ADAM8: variants seen among roughly 807,000 people sequenced by gnomAD.
The protein encoded by ADAM8 is disintegrin and metalloproteinase domain-containing protein 8.
A neutral mutation model predicts 102.4 loss-of-function variants in ADAM8; 104 were observed. The observed-to-expected ratio is 1.02, with a 90% CI of 0.87 to 1.20. The LOEUF is 1.20. Among genes scored for constraint, ADAM8 ranks in the 50% most tolerant of loss-of-function variants. The probability of loss-of-function intolerance (pLI) is 0.00; values close to 1 mark genes in which losing one functional copy is unlikely to be tolerated. For synonymous variants in ADAM8, 517 were observed against 485.2 expected (o/e 1.07, Z -0.86); for missense variants, 1,132 against 1,159.0 (o/e 0.98, Z 0.34).
chr10:133,264,164 C>A (rs1011172916), intron 21 of ADAM8, among the ~76,000 whole-genome samples: 4 of 150,354 alleles, frequency 2.7e-5, no homozygotes, highest in Non-Finnish European at 5.9e-5. Context: ...TGGGTTCAAG[C>A]GATCCTCCCG....
At position 133,273,284 on chromosome 10, in the gene ADAM8, C is replaced by G. The variant is rs780765970; in HGVS notation, c.543G>C (p.Arg181=). Residue 181 remains arginine, a synonymous_variant, in exon 6 of 23, where the codon CGG becomes CGC. Transcript: ENST00000445355. The part of the protein sequence containing the change: ...DDSLGSLLGP[R]TAAVFRPRPG... ...GCCGAGGCCTGAAGACGGCTGCCGT[C>G]CGGGGTCCCAGGAGGCTGCCCAGGC... 1 of 1,599,500 alleles carries G rather than the reference C, an allele frequency of 6.3e-7. No homozygotes were observed. Among genetic ancestry groups the G allele is most frequent in the Non-Finnish European group, 8.5e-7 (1 of 1,174,538 alleles).
chr10:133,263,640 G>GCCA, intron 22 of ADAM8, 48 bp downstream of exon 22: 1 of 1,482,546 alleles, frequency 6.7e-7, no homozygotes, highest in Non-Finnish European at 9.0e-7. Flanking sequence ...GGGAGGCCGT[G>GCCA]CCGTCCATTG....
rs1313867190 is a variant in ADAM8 at position 133,271,032 on chromosome 10, G to A, written c.1413C>T (p.Asp471=). 1 of 1,612,644 alleles carries A rather than the reference G, an allele frequency of 6.2e-7. No individual in the cohort carries two copies. Among genetic ancestry groups the A allele is most frequent in the Non-Finnish European group, 8.5e-7 (1 of 1,179,926 alleles). ...CACAGAACTCCTCGAGGTCACACAT[G>A]TCCTTCTTGGGACGGCACAGCTCAC... ...PAGELCRPKK[D]MCDLEEFCDG... Residue 471 remains aspartate, a synonymous_variant, in exon 14 of 23, where the codon GAC becomes GAT. Transcript: ENST00000445355.
At chr10:133,276,398 C>T (rs1846753064) in intron 1 of ADAM8, among the ~76,000 whole-genome samples, 1 of 152,208 alleles carries the variant, frequency 6.6e-6, no homozygotes, top group South Asian at 2.1e-4. Context: ...GCTTGTCTGC[C>T]CTCCCTTCCC....
At chr10:133,266,454 C>G (rs945723692) in intron 21 of ADAM8, among the ~76,000 whole-genome samples, 1 of 152,192 alleles carries the variant, frequency 6.6e-6, no homozygotes, top group Non-Finnish European at 1.5e-5. Flanking sequence ...GGCAGGGGCT[C>G]TCCTGCCCCA....
At position 133,268,179 on chromosome 10, in the gene ADAM8, C is replaced by T. The variant is rs999465074; in HGVS notation, c.2064-61G>A. 3 of 1,230,544 alleles carry T rather than the reference C, an allele frequency of 2.4e-6. No homozygotes were observed. In the African/African-American group the frequency reaches 4.7e-5, roughly 19 times the overall value. The allele number at this position is 1,230,544 out of a possible 1,614,324, so 76.2% of individuals were successfully genotyped here. A position where few individuals can be genotyped will look rare whatever the true frequency, so the allele number is the denominator to read the frequency against. On this transcript the variant is annotated intron_variant, in intron 19 of 22. Transcript: ENST00000445355. ...GGCCATGGGGCCCCAGCACCACACCCCGAGTCTCTCCCTCCCAGCTCCAGC... is the reference window on the plus strand; with the variant it reads ...GGCCATGGGGCCCCAGCACCACACCTCGAGTCTCTCCCTCCCAGCTCCAGC...
At chr10:133,271,360 C>G in intron 12 of ADAM8, 71 bp from the exon 13 acceptor site, 1 of 1,536,216 alleles carries the variant, frequency 6.5e-7, no homozygotes, top group Non-Finnish European at 8.8e-7. Context: ...ACCTGGCCGC[C>G]TCCCCTGACC....
intron 21 of ADAM8, among the ~76,000 whole-genome samples, chr10:133,264,436 T>C (rs908301004): frequency 1.8e-4 from 27 of 152,316 alleles, no homozygotes; most frequent in African/African-American, 6.3e-4. Context: ...AAAACACGTG[T>C]TTCTTTGCAT....
At chr10:133,264,868 T>A (rs59546252) in intron 21 of ADAM8, among the ~76,000 whole-genome samples, 14 of 109,526 alleles carry the variant, frequency 1.3e-4, no homozygotes, top group Admixed American at 1.9e-4. Context: ...CCTCCACGCC[T>A]GTTCCTGCTG....
intron 18 of ADAM8, 95 bp from the exon 19 acceptor site, chr10:133,268,957 C>T: frequency 2.0e-6 from 3 of 1,520,528 alleles, no homozygotes; most frequent in Non-Finnish European, 1.8e-6. Flanking sequence ...TCAGCACCCC[C>T]AGGCTGTGCC....
chr10:133,268,270 C>A (rs1269712906), intron 19 of ADAM8, 152 bp from the exon 20 acceptor site: 2 of 742,330 alleles, frequency 2.7e-6, no homozygotes, highest in African/African-American at 3.7e-5. Flanking sequence ...GGAGGTGGGG[C>A]GGACCCTGAA....
intron 18 of ADAM8, 51 bp downstream of exon 18, chr10:133,269,394 G>A (rs1411601991): frequency 6.9e-7 from 1 of 1,445,688 alleles, no homozygotes. Context: ...CTCTGTTCGG[G>A]CCCTCTGAGC....
chr10:133,267,225 C>T, intron 21 of ADAM8, 127 bp downstream of exon 21: 1 of 1,090,182 alleles, frequency 9.2e-7, no homozygotes, highest in Admixed American at 2.1e-5. Flanking sequence ...TCGGGCTAAC[C>T]AGCCTTCTGT....
intron 1 of ADAM8, among the ~76,000 whole-genome samples, 199 bp downstream of exon 1, chr10:133,276,573 A>ACCTCCCCGG (rs1240147131): frequency 2.2e-4 from 33 of 151,218 alleles, no homozygotes; most frequent in Non-Finnish European, 4.3e-4. Flanking sequence ...GTTCCCTCCG[A>ACCTCCCCGG]CCTCCCCGGC....
Position 133,269,989 on chromosome 10 carries a change from C to G in ADAM8, c.1786-15G>C, listed in dbSNP as rs751197473. The G allele has an allele frequency of 8.1e-6, 13 of 1,612,104 alleles. No individual in the cohort carries two copies. Among genetic ancestry groups the G allele is most frequent in the Middle Eastern group, 1.6e-4 (1 of 6,082 alleles). The stretch of plus-strand genomic sequence containing the variant: ...TTCCAGCAAACCTGGGGGTAGGAGG[C>G]GTCTCTCAGGCAGCCGCTCTGGACC... On this transcript the variant is annotated splice_polypyrimidine_tract_variant and intron_variant, in intron 16 of 22. Coordinates refer to ENST00000445355, the MANE Select transcript of ADAM8 (RefSeq NM_001109.5).
chr10:133,269,515 C>A lies in ADAM8; in HGVS notation c.1878G>T (p.Lys626Asn). 1 of 1,598,490 alleles carries A rather than the reference C, an allele frequency of 6.3e-7. No individual in the cohort carries two copies. Among genetic ancestry groups the A allele is most frequent in the South Asian group, 1.1e-5 (1 of 90,152 alleles). ...AGCCCGCGTGGCAGTGGCACTCCTGCTTGTGGTTGCACACCTGCGGGGACG... is the reference window on the plus strand; with the variant it reads ...AGCCCGCGTGGCAGTGGCACTCCTGATTGTGGTTGCACACCTGCGGGGACG... ...QCHNHGVCNH[K>N]QECHCHAGWA... The change falls in exon 18 of 23, where the codon AAG becomes AAT. Residue 626 changes from lysine to asparagine, a missense_variant. Coordinates refer to ENST00000445355, the MANE Select transcript of ADAM8 (RefSeq NM_001109.5).
rs1846650221 is a variant in ADAM8 at position 133,274,036 on chromosome 10, A to G, written c.228-7T>C. 2 of 1,604,774 alleles carry G rather than the reference A, an allele frequency of 1.2e-6. No individual in the cohort carries two copies. Among genetic ancestry groups the G allele is most frequent in the African/African-American group, 1.3e-5 (1 of 74,828 alleles). On this transcript the variant is annotated splice_region_variant and splice_polypyrimidine_tract_variant and intron_variant, in intron 3 of 22. Coordinates refer to ENST00000445355, the MANE Select transcript of ADAM8 (RefSeq NM_001109.5). ...GCCGGAGCCCAGCAGGTCCCTGGAA[A>G]AGAAGTGCTGTGACTGCCTCGGCCC...
intron 17 of ADAM8, 79 bp from the exon 18 acceptor site, chr10:133,269,608 GC>G: frequency 7.2e-7 from 1 of 1,392,880 alleles, no homozygotes; most frequent in Non-Finnish European, 9.6e-7. Context: ...CAGCATGAGG[GC>G]CCCGGGCCAG....
At chr10:133,268,968 C>A (rs556812328) in intron 18 of ADAM8, 106 bp from the exon 19 acceptor site, 2 of 1,504,604 alleles carry the variant, frequency 1.3e-6, no homozygotes, top group Non-Finnish European at 1.8e-6. Flanking sequence ...AGGCTGTGCC[C>A]TGTGGACCCC....
Sources: gnomAD v4.1 joint callset for allele counts (sites outside exome capture counted in the v4.1 genomes callset) on GRCh38, gnomAD v4.1.1 for gene constraint, MANE v1.5 for transcripts, NCBI Gene and HGNC (gene_info 2026-07-23, HGNC 2026-07-21) for gene names.